The following CA10 variants were observed in gnomAD, a reference collection of about 807,000 sequenced individuals.
CA10 encodes the protein carbonic anhydrase 10 (inactive).
In CA10, 14 loss-of-function variants were observed where a neutral mutation model predicts 44.2. The ratio of observed to expected loss-of-function variants is 0.32; its 90% confidence interval spans 0.21 to 0.50. The LOEUF (loss-of-function observed/expected upper bound fraction) is 0.50. Among genes scored for constraint, CA10 ranks in the 20% least tolerant of loss-of-function variants. The probability of loss-of-function intolerance (pLI) is 0.99; values close to 1 mark genes in which losing one functional copy is unlikely to be tolerated. For missense variants in CA10, 350 were observed against 409.7 expected (o/e 0.85, Z 1.26); for synonymous variants, 159 against 141.6 (o/e 1.12, Z -0.87).
chr17:52,060,034 C>T (rs1429591282), intron 2 of CA10, among the ~76,000 whole-genome samples: 1 of 152,108 alleles, frequency 6.6e-6, no homozygotes, highest in African/African-American at 2.4e-5. Context: ...TTGAATCTTC[C>T]ACATTTACTG....
chr17:51,902,338 A>G (rs1260842457), intron 3 of CA10, among the ~76,000 whole-genome samples: 1 of 152,206 alleles, frequency 6.6e-6, no homozygotes, highest in Non-Finnish European at 1.5e-5. Context: ...GATGTCTCTG[A>G]TGAGTGATAA....
chr17:51,779,521 TG>T (rs1179602506), intron 3 of CA10, among the ~76,000 whole-genome samples: 6 of 152,292 alleles, frequency 3.9e-5, no homozygotes, highest in Middle Eastern at 3.4e-3. Context: ...CAGCAGGTCT[TG>T]AAAAATGCAT....
At chr17:51,652,229 C>T (rs973642804) in intron 5 of CA10, among the ~76,000 whole-genome samples, 1 of 152,194 alleles carries the variant, frequency 6.6e-6, no homozygotes, top group Non-Finnish European at 1.5e-5. Flanking sequence ...TAATTTTACT[C>T]ATCTGTAAGA....
At chr17:51,933,226 A>T (rs926425202) in intron 2 of CA10, among the ~76,000 whole-genome samples, 3 of 152,150 alleles carry the variant, frequency 2.0e-5, no homozygotes, top group African/African-American at 7.2e-5. Flanking sequence ...GGTATTTTGC[A>T]GATGTAATTA....
Position 51,703,886 on chromosome 17 carries a change from G to A in CA10, c.465+43747C>T, listed in dbSNP as rs957107528. The stretch of plus-strand genomic sequence containing the variant: ...GGGCTGCTTGCCATTCCAAACAACT[G>A]CAGTAAGTTTATCACCTTCTTTCAG... On this transcript the variant is annotated intron_variant, in intron 4 of 8. Coordinates refer to ENST00000451037, the MANE Select transcript of CA10 (RefSeq NM_020178.5). Among the ~76,000 whole-genome samples the A allele has an allele frequency of 3.3e-5, 5 of 152,132 alleles. No individual in the cohort carries two copies. The East Asian group carries it at 7.7e-4, about 24-fold the overall frequency.
intron 1 of CA10, among the ~76,000 whole-genome samples, chr17:52,127,583 G>A (rs1989146759): frequency 6.6e-6 from 1 of 152,152 alleles, no homozygotes. Context: ...AAGCATCTCT[G>A]TGGTATTCTA....
chr17:51,963,070 AAATC>A (rs1264595863), intron 2 of CA10, among the ~76,000 whole-genome samples: 2 of 152,212 alleles, frequency 1.3e-5, no homozygotes, highest in African/African-American at 4.8e-5. Context: ...TCTTAAAAAG[AAATC>A]AATCAGAGCT....
At chr17:52,052,490 T>C (rs1360474731) in intron 2 of CA10, among the ~76,000 whole-genome samples, 1 of 151,968 alleles carries the variant, frequency 6.6e-6, no homozygotes, top group Non-Finnish European at 1.5e-5. Flanking sequence ...CCTCCATGCA[T>C]GCTTCCCACA....
intron 2 of CA10, among the ~76,000 whole-genome samples, chr17:52,029,346 C>T (rs1986395592): frequency 1.3e-5 from 2 of 152,068 alleles, no homozygotes; most frequent in Non-Finnish European, 2.9e-5. Flanking sequence ...TGTCAACAAG[C>T]CCAATCATAT....
chr17:51,810,359 A>G (rs1290729823), intron 3 of CA10, among the ~76,000 whole-genome samples: 3 of 152,186 alleles, frequency 2.0e-5, no homozygotes, highest in African/African-American at 7.2e-5. Context: ...TGGAGCACCA[A>G]GAAGGGTTTC....
chr17:52,061,448 T>TA (rs925666048), intron 2 of CA10, among the ~76,000 whole-genome samples: 4 of 152,132 alleles, frequency 2.6e-5, no homozygotes, highest in Admixed American at 6.5e-5. Flanking sequence ...GGTAAGATAA[T>TA]AAATCTGTTG....
intron 3 of CA10, among the ~76,000 whole-genome samples, chr17:51,797,374 G>T (rs2319517): frequency 1.3e-5 from 2 of 152,016 alleles, no homozygotes; most frequent in Admixed American, 6.5e-5. Context: ...ACGCACACAC[G>T]CACACCCCGC....
intron 1 of CA10, among the ~76,000 whole-genome samples, chr17:52,108,366 A>G (rs1211747078): frequency 6.6e-6 from 1 of 151,630 alleles, no homozygotes; most frequent in East Asian, 1.9e-4. Context: ...GTCCTCACTG[A>G]TATGTGGGAA....
At chr17:51,952,512 G>A (rs1598136585) in intron 2 of CA10, among the ~76,000 whole-genome samples, 1 of 151,704 alleles carries the variant, frequency 6.6e-6, no homozygotes. Context: ...CCAGTATCAT[G>A]CCACTGCATT....
intron 4 of CA10, among the ~76,000 whole-genome samples, chr17:51,728,022 A>G (rs1303741851): frequency 6.6e-6 from 1 of 152,084 alleles, no homozygotes; most frequent in Non-Finnish European, 1.5e-5. Flanking sequence ...AGTAGCTGAG[A>G]CTACAGGTGC....
intron 3 of CA10, among the ~76,000 whole-genome samples, chr17:51,874,401 A>C (rs11658005): frequency 0.17 from 25,071 of 151,234 alleles, 3,316 homozygotes; most frequent in African/African-American, 0.38. Context: ...AAAAAAAAAA[A>C]AAAAACAAAA....
At chr17:51,974,088 T>C (rs1984373466) in intron 2 of CA10, among the ~76,000 whole-genome samples, 1 of 151,880 alleles carries the variant, frequency 6.6e-6, no homozygotes, top group Non-Finnish European at 1.5e-5. Flanking sequence ...CAAGATAAAT[T>C]TTTAAAGAAA....
chr17:51,956,177 T>G (rs904105913), intron 2 of CA10, among the ~76,000 whole-genome samples: 3 of 152,168 alleles, frequency 2.0e-5, no homozygotes, highest in Non-Finnish European at 4.4e-5. Flanking sequence ...TCAGATTTTT[T>G]TTTAAAGATA....
At chr17:52,030,530 T>C (rs1393820001) in intron 2 of CA10, among the ~76,000 whole-genome samples, 2 of 152,150 alleles carry the variant, frequency 1.3e-5, no homozygotes, top group Non-Finnish European at 2.9e-5. Context: ...AAATATGCAG[T>C]CCTTGGGTAC....
Sources: gnomAD v4.1 joint callset for allele counts (sites outside exome capture counted in the v4.1 genomes callset) on GRCh38, gnomAD v4.1.1 for gene constraint, MANE v1.5 for transcripts, NCBI Gene and HGNC (gene_info 2026-07-23, HGNC 2026-07-21) for gene names.